SLC24A2: variants seen among roughly 807,000 people sequenced by gnomAD.
The protein encoded by SLC24A2 is solute carrier family 24 member 2, also known as sodium/potassium/calcium exchanger 2.
Under a neutral mutation model 62.0 loss-of-function variants are expected in SLC24A2, and 36 were observed. The ratio of observed to expected loss-of-function variants is 0.58; its 90% CI spans 0.44 to 0.77. SLC24A2 has a LOEUF of 0.77. Among genes scored for constraint, SLC24A2 ranks in the 30% least tolerant of loss-of-function variants. The pLI, the probability that SLC24A2 is intolerant of heterozygous loss-of-function variation, is 0.00. For missense variants in SLC24A2, 846 were observed against 817.9 expected (o/e 1.03, Z -0.42); for synonymous variants, 358 against 294.0 (o/e 1.22, Z -2.23).
the SLC24A2 span, among the ~76,000 whole-genome samples, chr9:20,215,911 C>T: frequency 3.3e-5 from 5 of 152,152 alleles, no homozygotes; most frequent in East Asian, 5.8e-4. Context: ...ATGCTAGTTC[C>T]CAATCCTGAG....
At chr9:20,190,321 GC>G in the SLC24A2 span, among the ~76,000 whole-genome samples, 1 of 152,088 alleles carries the variant, frequency 6.6e-6, no homozygotes, top group South Asian at 2.1e-4. Flanking sequence ...TCCTTTTAGG[GC>G]CCATCCTCCT....
chr9:19,901,983 CAGAACAAGAAA>C, the SLC24A2 span, among the ~76,000 whole-genome samples: 2 of 152,158 alleles, frequency 1.3e-5, no homozygotes, highest in Non-Finnish European at 2.9e-5. Context: ...TGGGCTGCCA[CAGAACAAGAAA>C]AACCTTGTAG....
chr9:19,761,951 T>C (rs1357540538), intron 2 of SLC24A2, among the ~76,000 whole-genome samples: 5 of 152,190 alleles, frequency 3.3e-5, no homozygotes. Flanking sequence ...TACGTGTGCA[T>C]GTGTCCTTAT....
At chr9:19,833,488 C>T in the SLC24A2 span, among the ~76,000 whole-genome samples, 2 of 152,316 alleles carry the variant, frequency 1.3e-5, no homozygotes, top group South Asian at 4.1e-4. Flanking sequence ...GCTAGCACAG[C>T]AGTCTGAGAT....
rs115330551 is a variant in SLC24A2, at chr9:19,545,569, C to T, written c.1479+4568G>A. On this transcript the variant is annotated intron_variant, in intron 8 of 10. Transcript: ENST00000341998. ...TCCCCATCTTAGTGAATTTATCTAC[C>T]GTCGGTCTTTGTAGTCAGTGACCTT... is the stretch of plus-strand genomic sequence containing the variant. 8.0e-3 allele frequency among the ~76,000 whole-genome samples: 1,209 copies of T among 152,038 alleles called. 15 individuals carry two copies. Among genetic ancestry groups the T allele is most frequent in the African/African-American group, 0.027 (1,131 of 41,476 alleles).
chr9:20,188,164 A>C, the SLC24A2 span, among the ~76,000 whole-genome samples: 58 of 152,338 alleles, frequency 3.8e-4, no homozygotes, highest in African/African-American at 1.2e-3. Flanking sequence ...TGCTACAAAC[A>C]GTGTCCATGC....
the SLC24A2 span, among the ~76,000 whole-genome samples, chr9:20,019,126 A>T: frequency 7.7e-6 from 1 of 129,316 alleles, no homozygotes; most frequent in Non-Finnish European, 1.6e-5. Context: ...AGAAAGAAAG[A>T]AAGAAAGAAA....
the SLC24A2 span, among the ~76,000 whole-genome samples, chr9:20,059,717 T>C: frequency 6.6e-6 from 1 of 151,942 alleles, no homozygotes; most frequent in Admixed American, 6.6e-5. Context: ...CTCTCGCAAA[T>C]TGAGAACCCT....
chr9:20,080,612 C>G, the SLC24A2 span, among the ~76,000 whole-genome samples: 189 of 152,180 alleles, frequency 1.2e-3, 2 homozygotes, highest in East Asian at 0.019. Flanking sequence ...GCAACAAAAG[C>G]CAAAATTGAC....
At chr9:19,704,037 A>C (rs916436758) in intron 2 of SLC24A2, among the ~76,000 whole-genome samples, 2 of 152,198 alleles carry the variant, frequency 1.3e-5, no homozygotes, top group Admixed American at 1.3e-4. Context: ...TAGTTATATA[A>C]AATCAACTGC....
At chr9:20,231,789 G>C in the SLC24A2 span, among the ~76,000 whole-genome samples, 7 of 149,606 alleles carry the variant, frequency 4.7e-5, no homozygotes, top group Non-Finnish European at 8.8e-5. Context: ...GGAGTGGTGA[G>C]AGAGGGCATC....
chr9:19,557,004 A>G (rs1416958889), intron 7 of SLC24A2, among the ~76,000 whole-genome samples: 4 of 152,188 alleles, frequency 2.6e-5, no homozygotes, highest in Admixed American at 2.6e-4. Context: ...GAGCTCCAGA[A>G]TTTCAGAGTA....
chr9:19,552,317 A>G (rs151099977), intron 7 of SLC24A2, among the ~76,000 whole-genome samples: 2 of 152,290 alleles, frequency 1.3e-5, no homozygotes, highest in Non-Finnish European at 2.9e-5. Context: ...AGCTACGTGA[A>G]TAATCTTTGT....
At chr9:20,146,596 G>A in the SLC24A2 span, among the ~76,000 whole-genome samples, 1 of 152,048 alleles carries the variant, frequency 6.6e-6, no homozygotes, top group Non-Finnish European at 1.5e-5. Flanking sequence ...CTGGGTTTCT[G>A]TAAATCCTCC....
chr9:19,656,935 G>T (rs146192513), intron 2 of SLC24A2, among the ~76,000 whole-genome samples: 2 of 152,248 alleles, frequency 1.3e-5, no homozygotes, highest in East Asian at 3.9e-4. Context: ...GATTCACTAG[G>T]GTGACACTCC....
the SLC24A2 span, among the ~76,000 whole-genome samples, chr9:19,849,208 G>A: frequency 6.6e-6 from 1 of 152,060 alleles, no homozygotes; most frequent in Non-Finnish European, 1.5e-5. Flanking sequence ...GTCAGTGAAT[G>A]AGGCAAGAAA....
At chr9:20,184,546 T>TCAAA in the SLC24A2 span, among the ~76,000 whole-genome samples, 3 of 151,968 alleles carry the variant, frequency 2.0e-5, no homozygotes, top group Non-Finnish European at 4.4e-5. Flanking sequence ...AGACTCCATC[T>TCAAA]CAAACAAACA....
chr9:19,737,238 A>T (rs1821536857), intron 2 of SLC24A2, among the ~76,000 whole-genome samples: 1 of 152,242 alleles, frequency 6.6e-6, no homozygotes, highest in Non-Finnish European at 1.5e-5. Context: ...TAAATTTAAG[A>T]AGCTAAGAAA....
At chr9:20,282,231 T>G in the SLC24A2 span, among the ~76,000 whole-genome samples, 1 of 152,158 alleles carries the variant, frequency 6.6e-6, no homozygotes, top group African/African-American at 2.4e-5. Flanking sequence ...TCCAACAGTA[T>G]CAAATAGGCC....
Sources: allele counts gnomAD v4.1 joint callset (sites outside exome capture counted in the v4.1 genomes callset), GRCh38; gene constraint gnomAD v4.1.1; transcripts MANE v1.5; gene names NCBI Gene and HGNC (gene_info 2026-07-23, HGNC 2026-07-21).